FARSB: variants seen among roughly 807,000 people sequenced by gnomAD.
FARSB encodes phenylalanine--tRNA ligase beta subunit.
FARSB carries 40 observed loss-of-function variants against 69.6 expected under a neutral mutation model. That is an observed-to-expected ratio of 0.57 (90% CI 0.45 to 0.75). The LOEUF is 0.75. Among genes scored for constraint, FARSB ranks in the 30% least tolerant of loss-of-function variants. The pLI is 0.00. For missense variants in FARSB, 632 were observed against 722.9 expected (o/e 0.87, Z 1.44); for synonymous variants, 235 against 247.2 (o/e 0.95, Z 0.46).
At chr2:222,589,632 T>C (rs1390982130) in intron 16 of FARSB, among the ~76,000 whole-genome samples, 1 of 151,824 alleles carries the variant, frequency 6.6e-6, no homozygotes, top group Non-Finnish European at 1.5e-5. Context: ...AGGGCTAATA[T>C]CCAGAATCTA....
At chr2:222,616,545 C>CAAAAAAA (rs11447332) in intron 14 of FARSB, among the ~76,000 whole-genome samples, 3 of 74,054 alleles carry the variant, frequency 4.1e-5, no homozygotes, top group South Asian at 5.8e-4. Flanking sequence ...GACTCCATCT[C>CAAAAAAA]AAAAAAAAAA....
intron 8 of FARSB, among the ~76,000 whole-genome samples, chr2:222,630,745 T>G (rs1429393091): frequency 6.6e-6 from 1 of 152,196 alleles, no homozygotes; most frequent in Admixed American, 6.5e-5. Context: ...ATATAAATAT[T>G]TCACTCCTAT....
intron 16 of FARSB, among the ~76,000 whole-genome samples, chr2:222,584,012 C>T (rs1021037357): frequency 2.6e-5 from 4 of 152,162 alleles, no homozygotes; most frequent in South Asian, 2.1e-4. Flanking sequence ...AGCATGAGAA[C>T]GGACTAATAC....
intron 6 of FARSB, 60 bp downstream of exon 6, chr2:222,634,331 G>T: frequency 1.6e-6 from 2 of 1,248,232 alleles, no homozygotes; most frequent in South Asian, 1.7e-5. Context: ...TGCAAGGCTT[G>T]ACTTTGATGG....
intron 12 of FARSB, 107 bp downstream of exon 12, chr2:222,624,165 T>C (rs1691208331): frequency 1.3e-6 from 1 of 759,342 alleles, no homozygotes; most frequent in Non-Finnish European, 2.3e-6. Flanking sequence ...TTGCAGAGCA[T>C]GTCCAAATAC....
chr2:222,605,861 C>T (rs1690691349), intron 15 of FARSB, among the ~76,000 whole-genome samples: 2 of 152,156 alleles, frequency 1.3e-5, no homozygotes, highest in South Asian at 4.1e-4. Flanking sequence ...CCCTTGAGCA[C>T]AGGAGTTCGA....
rs1691761214 is a variant in FARSB at position 222,642,950 on chromosome 2, G to T, written c.170C>A (p.Ala57Asp). Residue 57 changes from alanine (A) to aspartate (D), a missense_variant, in exon 3 of 17, where the codon GCC (alanine) becomes GAC (aspartate). Coordinates refer to ENST00000281828, the MANE Select transcript of FARSB (RefSeq NM_005687.5). ...KEQGNVKAAG[A>D]SDVVLYKIDV... Reference sequence around the variant, plus strand: ...AATTTTGTAAAGAACAACATCAGAGGCTCCTGCTGCCTTTACATTACCTTG... The same window carrying T: ...AATTTTGTAAAGAACAACATCAGAGTCTCCTGCTGCCTTTACATTACCTTG... 6.2e-7 allele frequency: 1 copy of T among 1,610,486 alleles called. No individual in the cohort carries two copies. Among genetic ancestry groups the T allele is most frequent in the Non-Finnish European group, 8.5e-7 (1 of 1,177,060 alleles).
At position 222,631,635 on chromosome 2, in the gene FARSB, A is replaced by G. The variant is rs1466642025; in HGVS notation, c.755T>C (p.Phe252Ser). ...AAAGTCAGTTCCCGTGCATTCAATAAAAATATTTCTAGTATTTACTGTTAT... is the reference window on the plus strand; with the variant it reads ...AAAGTCAGTTCCCGTGCATTCAATAGAAATATTTCTAGTATTTACTGTTAT... ...SRITVNTRNI[F>S]IECTGTDFTK... Residue 252 changes from phenylalanine to serine, a missense_variant, in exon 8 of 17, where the codon TTT becomes TCT. By Grantham distance (155) the Phe-to-Ser change is radical (BLOSUM62 -2). Transcript: ENST00000281828. 1 of 1,573,490 alleles carries G rather than the reference A, an allele frequency of 6.4e-7. No individual in the cohort carries two copies. Among genetic ancestry groups the G allele is most frequent in the Non-Finnish European group, 8.7e-7 (1 of 1,143,634 alleles).
chr2:222,634,617 AG>A (rs1691529687), intron 5 of FARSB, 76 bp from the exon 6 acceptor site: 1 of 1,187,482 alleles, frequency 8.4e-7, no homozygotes, highest in Non-Finnish European at 1.2e-6. Context: ...AATATTCTAA[AG>A]CCGAAATTCT....
chr2:222,608,518 C>G (rs1690764432), intron 15 of FARSB, among the ~76,000 whole-genome samples: 1 of 151,932 alleles, frequency 6.6e-6, no homozygotes, highest in Non-Finnish European at 1.5e-5. Flanking sequence ...CATAAAAGAA[C>G]AGTGAATTAG....
chr2:222,592,715 A>G (rs1482118707), intron 16 of FARSB, among the ~76,000 whole-genome samples: 3 of 150,840 alleles, frequency 2.0e-5, no homozygotes. Context: ...CCATGAGGTA[A>G]ATGAAAATAT....
intron 14 of FARSB, among the ~76,000 whole-genome samples, 194 bp downstream of exon 14, chr2:222,619,451 G>A (rs1344606763): frequency 1.3e-5 from 2 of 152,024 alleles, no homozygotes; most frequent in Non-Finnish European, 2.9e-5. Flanking sequence ...TAATCAAGAA[G>A]ATATTATTTT....
chr2:222,635,349 G>A (rs910005908), intron 5 of FARSB, among the ~76,000 whole-genome samples: 10 of 152,216 alleles, frequency 6.6e-5, no homozygotes, highest in African/African-American at 2.4e-4. Flanking sequence ...TAAAGTGTAT[G>A]TGCACTAAAT....
At chr2:222,628,383 T>C (rs1691329795) in intron 10 of FARSB, among the ~76,000 whole-genome samples, 1 of 152,218 alleles carries the variant, frequency 6.6e-6, no homozygotes, top group African/African-American at 2.4e-5. Flanking sequence ...TTACATATTA[T>C]ATACATGTAT....
intron 5 of FARSB, among the ~76,000 whole-genome samples, chr2:222,637,605 G>A (rs1691617538): frequency 6.6e-6 from 1 of 152,172 alleles, no homozygotes; most frequent in African/African-American, 2.4e-5. Flanking sequence ...TGCCTCAGCA[G>A]TAGGGACTAA....
intron 2 of FARSB, chr2:222,644,497 T>C (rs1421133033): frequency 1.5e-5 from 7 of 453,008 alleles, no homozygotes; most frequent in East Asian, 7.0e-5. Context: ...AAGGGGTTAA[T>C]AAAATTACTG....
chr2:222,629,196 G>A lies in FARSB; in HGVS notation c.849-308C>T, dbSNP rs981882825. Reference sequence around the variant, plus strand: ...ACACACACATTCTAGGCTTTACCAGGGCAGTGTGTTACATAATAAAACTGA... The same window carrying A: ...ACACACACATTCTAGGCTTTACCAGAGCAGTGTGTTACATAATAAAACTGA... On this transcript the variant is annotated intron_variant, in intron 9 of 16. Coordinates refer to ENST00000281828, the MANE Select transcript of FARSB (RefSeq NM_005687.5). Among the ~76,000 whole-genome samples, 4 of 152,004 alleles carry A rather than the reference G, an allele frequency of 2.6e-5. No homozygotes were observed. The East Asian group carries it at 7.7e-4, about 29-fold the overall frequency.
intron 5 of FARSB, among the ~76,000 whole-genome samples, chr2:222,635,308 T>C (rs1691551813): frequency 6.6e-6 from 1 of 152,238 alleles, no homozygotes; most frequent in Non-Finnish European, 1.5e-5. Context: ...AGGAACTTGG[T>C]CAAAATTTGT....
chr2:222,642,829 T>C (rs1346993532), intron 3 of FARSB, 22 bp downstream of exon 3: 1 of 1,568,270 alleles, frequency 6.4e-7, no homozygotes, highest in East Asian at 2.2e-5. Flanking sequence ...TAGCAAAGTC[T>C]TTAAGGAACA....
Sources: allele counts gnomAD v4.1 joint callset (sites outside exome capture counted in the v4.1 genomes callset), GRCh38; gene constraint gnomAD v4.1.1; transcripts MANE v1.5; gene names NCBI Gene and HGNC (gene_info 2026-07-23, HGNC 2026-07-21).